Variants in ZNF503 observed in about 807,000 individuals in gnomAD.
ZNF503 encodes the protein NocA-like zinc finger 2.
A neutral mutation model predicts 34.4 loss-of-function variants in ZNF503; 15 were observed. The observed-to-expected ratio is 0.44, with a 90% CI of 0.29 to 0.67. ZNF503 has a LOEUF of 0.67. Among genes scored for constraint, ZNF503 ranks in the 30% least tolerant of loss-of-function variants. The pLI is 0.13. For missense variants in ZNF503, 1,007 were observed against 926.8 expected (o/e 1.09, Z -1.12); for synonymous variants, 580 against 456.8 (o/e 1.27, Z -3.44).
the ZNF503 span, among the ~76,000 whole-genome samples, chr10:75,390,405 CT>C: frequency 6.6e-6 from 1 of 150,484 alleles, no homozygotes; most frequent in Non-Finnish European, 1.5e-5. Flanking sequence ...CCCTCCTCCT[CT>C]TCCTTTTTCT....
the ZNF503 span, among the ~76,000 whole-genome samples, chr10:75,315,346 T>A: frequency 6.6e-6 from 1 of 152,118 alleles, no homozygotes; most frequent in Non-Finnish European, 1.5e-5. Context: ...AGTGATAGAG[T>A]GAGACCCTGT....
At chr10:75,305,465 G>A in the ZNF503 span, among the ~76,000 whole-genome samples, 1 of 151,980 alleles carries the variant, frequency 6.6e-6, no homozygotes, top group Admixed American at 6.6e-5. Context: ...GATATTTGAG[G>A]ATTAACTATT....
chr10:75,359,509 G>T, the ZNF503 span, among the ~76,000 whole-genome samples: 1 of 152,220 alleles, frequency 6.6e-6, no homozygotes, highest in Non-Finnish European at 1.5e-5. Context: ...AGTTTTAGAA[G>T]CATCTCCGGC....
the ZNF503 span, among the ~76,000 whole-genome samples, chr10:75,366,671 T>C: frequency 6.6e-6 from 1 of 152,240 alleles, no homozygotes; most frequent in African/African-American, 2.4e-5. Context: ...GCCCTTACCA[T>C]GTCTGTGCTC....
At chr10:75,379,943 G>A in the ZNF503 span, among the ~76,000 whole-genome samples, 1 of 152,188 alleles carries the variant, frequency 6.6e-6, no homozygotes, top group Non-Finnish European at 1.5e-5. Flanking sequence ...GTGGGAGGGG[G>A]TGCACGCCAC....
the ZNF503 span, among the ~76,000 whole-genome samples, chr10:75,362,723 A>G: frequency 2.0e-5 from 3 of 152,146 alleles, no homozygotes; most frequent in Non-Finnish European, 4.4e-5. Context: ...GGAACCAGAG[A>G]TTAATGCCTT....
the ZNF503 span, among the ~76,000 whole-genome samples, chr10:75,385,089 G>A: frequency 7.2e-5 from 11 of 152,286 alleles, no homozygotes; most frequent in East Asian, 1.4e-3. Context: ...ATGGGGCCAC[G>A]CCAAGGACAG....
chr10:75,401,035 G>A lies in ZNF503; in HGVS notation c.315+70C>T, dbSNP rs746107559. On this transcript the variant is annotated intron_variant, in intron 1 of 1. Coordinates refer to ENST00000372524, the MANE Select transcript of ZNF503 (RefSeq NM_032772.6). The stretch of plus-strand genomic sequence containing the variant: ...ACCCCCCCACCTCCGCCCAGATCCC[G>A]AGAAAAAGAAAGCCCTAGGGTGGCA... 3.7e-6 allele frequency: 6 copies of A among 1,601,548 alleles called. No individual in the cohort carries two copies. In the South Asian group the frequency reaches 4.5e-5, roughly 12 times the overall value.
At chr10:75,371,399 G>T in the ZNF503 span, among the ~76,000 whole-genome samples, 1 of 152,112 alleles carries the variant, frequency 6.6e-6, no homozygotes, top group South Asian at 2.1e-4. Flanking sequence ...GGCAAGAGTG[G>T]GTTGGTGTTT....
At chr10:75,356,998 A>G in the ZNF503 span, among the ~76,000 whole-genome samples, 1 of 152,224 alleles carries the variant, frequency 6.6e-6, no homozygotes, top group Admixed American at 6.5e-5. Context: ...AAGAAAAAAC[A>G]GGGTTCCTCA....
At chr10:75,382,444 T>C in the ZNF503 span, 2 of 497,802 alleles carry the variant, frequency 4.0e-6, no homozygotes, top group Non-Finnish European at 7.6e-6. Context: ...CCATTCTCTT[T>C]ACCTCCTCTC....
chr10:75,304,816 T>C, the ZNF503 span, among the ~76,000 whole-genome samples: 1 of 152,186 alleles, frequency 6.6e-6, no homozygotes, highest in Non-Finnish European at 1.5e-5. Context: ...AATTTCCATA[T>C]GTAAAGGATT....
chr10:75,366,573 A>C, the ZNF503 span, among the ~76,000 whole-genome samples: 3 of 152,298 alleles, frequency 2.0e-5, no homozygotes, highest in African/African-American at 7.2e-5. Flanking sequence ...CCTCAGAGGG[A>C]CATCCAAGGG....
In ZNF503 at chr10:75,398,626, C is replaced by A; in HGVS notation, c.*123G>T. 1.1e-6 allele frequency: 1 copy of A among 901,200 alleles called. No individual in the cohort carries two copies. The highest frequency in any genetic ancestry group is 1.5e-6 in the Non-Finnish European group (1 of 677,272). 55.8% of individuals were successfully genotyped at this position (901,200 alleles called of 1,614,324 possible). Reference sequence around the variant, plus strand: ...AGATAGATACGGTATACATTTCTTTCCTTTCGTGGCCCGAGTCCTCCCCAC... The same window carrying A: ...AGATAGATACGGTATACATTTCTTTACTTTCGTGGCCCGAGTCCTCCCCAC... On this transcript the variant is annotated 3_prime_UTR_variant, in exon 2 of 2. Transcript: ENST00000372524.
the ZNF503 span, among the ~76,000 whole-genome samples, chr10:75,303,220 G>A: frequency 3.2e-4 from 49 of 152,214 alleles, no homozygotes; most frequent in Non-Finnish European, 6.3e-4. Context: ...CATTTCATAG[G>A]TGGCTGCTTG....
At chr10:75,391,502 G>T in the ZNF503 span, among the ~76,000 whole-genome samples, 54 of 152,186 alleles carry the variant, frequency 3.5e-4, no homozygotes, top group Non-Finnish European at 6.5e-4. Context: ...CCTCTAGTCT[G>T]GGAGAATATC....
the ZNF503 span, among the ~76,000 whole-genome samples, chr10:75,366,644 A>G: frequency 6.6e-6 from 1 of 152,352 alleles, no homozygotes; most frequent in East Asian, 1.9e-4. Flanking sequence ...TAGCAGACAC[A>G]GTGCCCCAAG....
At chr10:75,368,781 A>C in the ZNF503 span, among the ~76,000 whole-genome samples, 13 of 152,238 alleles carry the variant, frequency 8.5e-5, no homozygotes, top group Admixed American at 6.5e-4. Flanking sequence ...TGGTTTACTA[A>C]TGGATGGTTT....
At chr10:75,332,397 G>GTCTACTC in the ZNF503 span, among the ~76,000 whole-genome samples, 1 of 150,094 alleles carries the variant, frequency 6.7e-6, no homozygotes, top group Non-Finnish European at 1.5e-5. Context: ...CTTCAGCTGT[G>GTCTACTC]TCTACTCTGC....
Sources: allele counts gnomAD v4.1 joint callset (sites outside exome capture counted in the v4.1 genomes callset), GRCh38; gene constraint gnomAD v4.1.1; transcripts MANE v1.5; gene names NCBI Gene and HGNC (gene_info 2026-07-23, HGNC 2026-07-21).